The following XG variants were observed in gnomAD, a reference collection of about 807,000 sequenced individuals.
XG encodes the protein Xg glycoprotein (Xg blood group), also known as glycoprotein Xg.
Under a neutral mutation model 25.7 loss-of-function variants are expected in XG, and 24 were observed. That is an observed-to-expected ratio of 0.93 (90% confidence interval 0.68 to 1.31). The LOEUF is 1.31. Ranked by LOEUF, XG falls within the 40% of genes most tolerant of loss-of-function variation. The pLI is 0.00. For missense variants in XG, 181 were observed against 187.6 expected, an observed-to-expected ratio of 0.96 and a Z score of 0.21; for synonymous variants, 77 against 69.2, an observed-to-expected ratio of 1.11 and a Z score of -0.56.
intron 1 of XG, among the ~76,000 whole-genome samples, chrX:2,767,121 G>C (rs146136086): frequency 6.6e-6 from 1 of 152,058 alleles, no homozygotes; most frequent in Non-Finnish European, 1.5e-5. Flanking sequence ...CCTGAACCAC[G>C]TGCAGGTCTG....
intron 2 of XG, among the ~76,000 whole-genome samples, chrX:2,771,206 C>T (rs1437801192): frequency 1.3e-5 from 2 of 151,814 alleles, no homozygotes; most frequent in African/African-American, 2.4e-5. Context: ...TCCCACACCC[C>T]GATCCCAATC....
intron 7 of XG, among the ~76,000 whole-genome samples, chrX:2,805,599 C>T (rs1309657094): frequency 4.9e-5 from 5 of 101,549 alleles, no homozygotes; most frequent in South Asian, 9.2e-4. Flanking sequence ...ATTCTCTCAC[C>T]GTCCTAGAGG....
chrX:2,794,527 C>G lies in XG; in HGVS notation c.254-8C>G. Reference sequence around the variant, plus strand: ...CTCATGAGCAATGCCGCGTGCTCTGCCCCACAGGTTACTTCAATGATGTGG... The same window carrying G: ...CTCATGAGCAATGCCGCGTGCTCTGGCCCACAGGTTACTTCAATGATGTGG... On this transcript the variant is annotated splice_region_variant and splice_polypyrimidine_tract_variant and intron_variant, in intron 5 of 10. Transcript: ENST00000644266. 1 of 1,210,525 alleles carries G rather than the reference C, an allele frequency of 8.3e-7. No individual in the cohort carries two copies.
At chrX:2,793,726 G>A (rs2086857620) in intron 5 of XG, among the ~76,000 whole-genome samples, 1 of 111,565 alleles carries the variant, frequency 9.0e-6, no homozygotes, top group Non-Finnish European at 1.9e-5. Flanking sequence ...GGATGGTGCT[G>A]GTTTCAGACA....
intron 1 of XG, among the ~76,000 whole-genome samples, chrX:2,757,566 CTGAGTACTTCCTGT>C: frequency 6.6e-6 from 1 of 152,180 alleles, no homozygotes; most frequent in East Asian, 1.9e-4. Context: ...AATCATATTT[CTGAGTACTTCCTGT>C]TGAGTAAAGG....
At chrX:2,781,945 G>A in intron 3 of XG, 121 bp from the exon 4 acceptor site, 1 of 668,640 alleles carries the variant, frequency 1.5e-6, no homozygotes, top group South Asian at 2.6e-5. Flanking sequence ...AACACACCGT[G>A]GGCAGCAAAT....
intron 7 of XG, among the ~76,000 whole-genome samples, chrX:2,797,958 T>G (rs775019604): frequency 1.0e-3 from 112 of 112,046 alleles, no homozygotes; most frequent in African/African-American, 3.4e-3. Flanking sequence ...GAGGATCACT[T>G]GAGCCCAGGA....
At chrX:2,757,738 G>A (rs1269452463) in intron 1 of XG, among the ~76,000 whole-genome samples, 2 of 151,812 alleles carry the variant, frequency 1.3e-5, no homozygotes, top group East Asian at 1.9e-4. Context: ...TTGGGAGGCC[G>A]AGTTGGGCAG....
rs770586679 is a variant in XG at position 2,778,850 on chromosome X, C to T, written c.128-3216C>T. Among the ~76,000 whole-genome samples, 17 of 151,870 alleles carry T rather than the reference C, an allele frequency of 1.1e-4. No homozygotes were observed. The East Asian group carries it at 1.6e-3, about 14-fold the overall frequency. On this transcript the variant is annotated intron_variant, in intron 3 of 10. Transcript: ENST00000644266. ...GTGCAGTGGTGTGATCTCACCTCCC[C>T]GCAAACTTCTCCTCCCGGGTTCAAG...
chrX:2,780,881 C>T (rs182007738), intron 3 of XG, among the ~76,000 whole-genome samples: 1 of 152,136 alleles, frequency 6.6e-6, no homozygotes, highest in Admixed American at 6.5e-5. Context: ...CCAAAGGAGG[C>T]GATCAGATAC....
Position 2,774,717 on chromosome X carries a change from A to T in XG, c.105A>T (p.Glu35Asp). ...FDLADALDDP[E>D]PTKKPNSDIY... ...TTTATTTTCTCTCTTTGTTCACAGA[A>T]CCCACCAAGAAGCCAAACTCAGGTG... is the stretch of plus-strand genomic sequence containing the variant. Residue 35 changes from glutamate (E) to aspartate (D), a missense_variant and splice_region_variant, in exon 3 of 11, where the codon GAA (glutamate) becomes GAT (aspartate). Transcript: ENST00000644266. 2 of 1,613,824 alleles carry T rather than the reference A, an allele frequency of 1.2e-6. No homozygotes were observed. The highest frequency in any genetic ancestry group is 1.7e-6 in the Non-Finnish European group (2 of 1,179,836).
At chrX:2,798,991 C>A (rs1324389097) in intron 7 of XG, among the ~76,000 whole-genome samples, 4 of 108,666 alleles carry the variant, frequency 3.7e-5, no homozygotes, top group African/African-American at 6.7e-5. Flanking sequence ...GCTTAATTAA[C>A]AGGAGAAAAA....
At chrX:2,810,116 G>T (rs908654640) in intron 9 of XG, among the ~76,000 whole-genome samples, 1 of 111,779 alleles carries the variant, frequency 8.9e-6, no homozygotes, top group Non-Finnish European at 1.9e-5. Context: ...CTTGCGTTCA[G>T]TGACAACACT....
rs940471019 is a variant in XG at position 2,770,043 on chromosome X, CGG to C, written c.62-504_62-503del. ...GAGGGGTGGGGGGGGCGTTGGGGGG[CGG>C]GGATATGCCTGTCCTAAGCTGTGAG... On this transcript the variant is annotated intron_variant, in intron 1 of 10. Transcript: ENST00000644266. Among the ~76,000 whole-genome samples, 25 of 100,504 alleles carry C rather than the reference CGG, an allele frequency of 2.5e-4. No homozygotes were observed. The South Asian group carries it at 3.5e-3, about 14-fold the overall frequency. 65.9% of individuals were successfully genotyped at this position (100,504 alleles called of 152,430 possible).
At chrX:2,777,851 G>A (rs377023804) in intron 3 of XG, among the ~76,000 whole-genome samples, 3 of 151,466 alleles carry the variant, frequency 2.0e-5, no homozygotes, top group Non-Finnish European at 2.9e-5. Flanking sequence ...ACGAGGTCAG[G>A]AGATCGAGAC....
At chrX:2,762,107 T>C (rs1428548238) in intron 1 of XG, among the ~76,000 whole-genome samples, 2 of 152,218 alleles carry the variant, frequency 1.3e-5, no homozygotes, top group African/African-American at 4.8e-5. Flanking sequence ...GACGGGTTTA[T>C]AACACACCGT....
rs1229272213 is a variant in XG, at chrX:2,777,083, A to G, written c.127+2344A>G. 3.3e-5 allele frequency among the ~76,000 whole-genome samples: 5 copies of G among 152,374 alleles called. No individual in the cohort carries two copies. In the South Asian group the frequency reaches 1.0e-3, roughly 32 times the overall value. ...AAAATCTTCCAAATGATGCTCTGCC[A>G]TAAGAAGAAATTCACACCCTGAATA... On this transcript the variant is annotated intron_variant, in intron 3 of 10. Coordinates refer to ENST00000644266, the MANE Select transcript of XG (RefSeq NM_001141919.2).
At chrX:2,781,533 T>C (rs923127499) in intron 3 of XG, among the ~76,000 whole-genome samples, 1 of 101,434 alleles carries the variant, frequency 9.9e-6, no homozygotes, top group African/African-American at 3.6e-5. Flanking sequence ...GCTTGGAAGG[T>C]ATATAAGCTC....
intron 4 of XG, among the ~76,000 whole-genome samples, chrX:2,789,161 C>T (rs2086812810): frequency 9.1e-6 from 1 of 110,348 alleles, no homozygotes; most frequent in Non-Finnish European, 1.9e-5. Flanking sequence ...AGCCTAGGAA[C>T]TCGAGGCTGC....
Sources: gnomAD v4.1 joint callset for allele counts (sites outside exome capture counted in the v4.1 genomes callset) on GRCh38, gnomAD v4.1.1 for gene constraint, MANE v1.5 for transcripts, NCBI Gene and HGNC (gene_info 2026-07-23, HGNC 2026-07-21) for gene names.